CARD10: variants seen among roughly 807,000 people sequenced by gnomAD.
CARD10 encodes caspase recruitment domain family member 10.
CARD10 carries 49 observed loss-of-function variants against 114.6 expected under a neutral mutation model. The ratio of observed to expected loss-of-function variants is 0.43; its 90% CI spans 0.34 to 0.54. The LOEUF is 0.54. Ranked by LOEUF, CARD10 falls within the 20% of genes least tolerant of loss-of-function variation. CARD10 has a pLI of 0.03. For synonymous variants in CARD10, 602 were observed against 593.2 expected (o/e 1.01, Z -0.21); for missense variants, 1,206 against 1,397.2 (o/e 0.86, Z 2.18).
Position 37,502,670 on chromosome 22 carries a change from G to A in CARD10, c.1719C>T (p.Asp573=), listed in dbSNP as rs1178531329. 3 of 1,613,876 alleles carry A rather than the reference G, an allele frequency of 1.9e-6. No individual in the cohort carries two copies. The change falls in exon 11 of 20, where the codon GAC becomes GAT. Residue 573 remains aspartate, a synonymous_variant. Transcript: ENST00000251973. ...CCGGCTTTCCCAAAGGCCACACGCT[G>A]TCAGAGGATGAGGACGAAGAGAGGC... ...SPGLSSSSSS[D]SVWPLGKPEG...
At position 37,496,305 on chromosome 22, in the gene CARD10, G is replaced by A; in HGVS notation, c.2059+144C>T. 1 of 640,376 alleles carries A rather than the reference G, an allele frequency of 1.6e-6. No homozygotes were observed. 39.7% of individuals were successfully genotyped at this position (640,376 alleles called of 1,614,324 possible). A position where few individuals can be genotyped will look rare whatever the true frequency, so the allele number is the denominator to read the frequency against. ...AAGGGCACAAGGACAGACAGAAGGA[G>A]GCATCAGCAGGCGGGGAGCCAGGAG... On this transcript the variant is annotated intron_variant, in intron 13 of 19. Transcript: ENST00000251973. This position sits in a 1 kb window ranked among gnomAD's most constrained non-coding sequence, Gnocchi z 4.1.
chr22:37,503,130 A>G, intron 10 of CARD10, 55 bp downstream of exon 10: 1 of 1,586,526 alleles, frequency 6.3e-7, no homozygotes. Flanking sequence ...GGTGGGCTGC[A>G]AAGCCACCTC....
In CARD10 at chr22:37,495,988, T is replaced by C; in HGVS notation, c.2075A>G (p.His692Arg). The C allele has an allele frequency of 6.2e-7, 1 of 1,613,780 alleles. No homozygotes were observed. ...CTTTGCCCAGGCTTCTAGGGCCTCG[T>C]GGAAGGACTGGCAGGCTGGGCATGG... ...LMDSKACQSF[H>R]EALEAWAKGP... is the part of the protein sequence containing the mutation. The change falls in exon 14 of 20, where the codon CAC (histidine) becomes CGC (arginine). Residue 692 changes from histidine (H) to arginine (R), a missense_variant. His to Arg is a conservative substitution (Grantham distance 29). Around this residue, in one of 2 missense-constraint regions of CARD10, gnomAD observed 1,068 missense variants for 1,179.1 expected, o/e 0.91. Transcript: ENST00000251973.
chr22:37,502,748 A>G (rs947372116), intron 10 of CARD10, 23 bp from the exon 11 acceptor site: 12 of 1,609,000 alleles, frequency 7.5e-6, no homozygotes, highest in African/African-American at 2.7e-5. Flanking sequence ...AATGAGGTTC[A>G]GGGATCTGGC....
intron 11 of CARD10, among the ~76,000 whole-genome samples, chr22:37,498,260 G>C (rs978495666): frequency 6.6e-6 from 1 of 152,180 alleles, no homozygotes; most frequent in Non-Finnish European, 1.5e-5. Context: ...GTGGAACAGA[G>C]GCGTCTGGTT....
At chr22:37,518,853 G>A (rs1471500486) in intron 1 of CARD10, 113 bp downstream of exon 1, 35 of 1,307,496 alleles carry the variant, frequency 2.7e-5, no homozygotes, top group Non-Finnish European at 5.1e-6. Context: ...CTACTGATGC[G>A]GAGACCGAGC....
At chr22:37,514,966 T>C (rs1278101579) in intron 3 of CARD10, among the ~76,000 whole-genome samples, 1 of 152,182 alleles carries the variant, frequency 6.6e-6, no homozygotes, top group Non-Finnish European at 1.5e-5. Flanking sequence ...CAGGTGAGAC[T>C]TCCCCACACA....
At chr22:37,508,763 C>G (rs1360337885) in intron 4 of CARD10, 81 bp from the exon 5 acceptor site, 9 of 1,431,376 alleles carry the variant, frequency 6.3e-6, no homozygotes, top group South Asian at 1.3e-5. Context: ...ACACGCAGCT[C>G]TCAGCCCTCC....
chr22:37,506,495 G>A (rs773728231), intron 6 of CARD10, 112 bp from the exon 7 acceptor site: 5 of 706,584 alleles, frequency 7.1e-6, no homozygotes, highest in Admixed American at 3.4e-5. Flanking sequence ...ATCACTTACT[G>A]AGCACTGTGT....
chr22:37,503,849 C>A (rs1376733867), intron 9 of CARD10, among the ~76,000 whole-genome samples: 1 of 152,170 alleles, frequency 6.6e-6, no homozygotes, highest in African/African-American at 2.4e-5. Flanking sequence ...TGCCGGAGGT[C>A]CCTGATACCT....
In CARD10 at chr22:37,497,158, G is replaced by C. The variant is rs1365797192; in HGVS notation, c.1808C>G (p.Ser603Cys). ...FLNRSLAIRVSGRSPPGGPEP... is the reference protein window; with the variant it reads ...FLNRSLAIRVCGRSPPGGPEP... The stretch of plus-strand genomic sequence containing the variant: ...TGGGCCCCCTGGGGGGCTCCGGCCA[G>C]ACACCCGAATAGCCAGAGACCTGAG... The change falls in exon 12 of 20, where the codon TCT (serine) becomes TGT (cysteine). Residue 603 changes from serine to cysteine, a missense_variant. By Grantham distance (112) the Ser-to-Cys change is moderately radical. This residue lies in a region of CARD10 where 1,068 missense variants were observed against 1,179.1 expected (regional missense o/e 0.91). Transcript: ENST00000251973. The C allele has an allele frequency of 6.2e-7, 1 of 1,613,704 alleles. No individual in the cohort carries two copies. Among genetic ancestry groups the C allele is most frequent in the South Asian group, 1.1e-5 (1 of 91,036 alleles).
rs1923342313 is a variant in CARD10 at position 37,504,695 on chromosome 22, C to T, written c.1458G>A (p.Leu486=). 2 of 1,580,882 alleles carry T rather than the reference C, an allele frequency of 1.3e-6. No individual in the cohort carries two copies. The highest frequency in any genetic ancestry group is 2.7e-5 in the African/African-American group (2 of 73,226). The change falls in exon 8 of 20, where the codon CTG becomes CTA. Residue 486 remains leucine (L), a synonymous_variant. Transcript: ENST00000251973. ...CCTCCCCAGTTGCTTCTGGGCCTCC[C>T]AGAGGGGAGGGGAACTCGCTCAGGC... ...TWSLSEFPSP[L]GGPEATGEAA...
intron 3 of CARD10, among the ~76,000 whole-genome samples, chr22:37,515,232 C>A (rs1923796011): frequency 6.6e-6 from 1 of 152,210 alleles, no homozygotes; most frequent in Non-Finnish European, 1.5e-5. Flanking sequence ...AAGTTGTGAG[C>A]AGTGTGCTAG....
intron 11 of CARD10, among the ~76,000 whole-genome samples, chr22:37,499,501 A>C (rs1923135212): frequency 2.7e-5 from 4 of 146,010 alleles, no homozygotes; most frequent in East Asian, 2.0e-4. Flanking sequence ...CACCAACCCT[A>C]CCCACCCCAC....
rs548716137 is a variant in CARD10 at position 37,496,908 on chromosome 22, G to A, written c.1947+111C>T. ...TAATCACTGAGCCCGCTTCGGCTTT[G>A]ACCAATCCCCAGAAGCTCTGCCCGG... is the stretch of plus-strand genomic sequence containing the variant. On this transcript the variant is annotated intron_variant, in intron 12 of 19. Coordinates refer to ENST00000251973, the MANE Select transcript of CARD10 (RefSeq NM_014550.4). The surrounding 1 kb of genome is among the most constrained non-coding windows in gnomAD (Gnocchi z 4.1). 1.9e-3 allele frequency: 2,524 copies of A among 1,317,944 alleles called. 7 individuals are homozygous for A. The highest frequency in any genetic ancestry group is 2.1e-3 in the Non-Finnish European group (1,976 of 960,874). The allele number at this position is 1,317,944 out of a possible 1,614,324, so 81.6% of individuals were successfully genotyped here. A position where few individuals can be genotyped will look rare whatever the true frequency, so the allele number is the denominator to read the frequency against.
rs1209107872 is a variant in CARD10, at chr22:37,492,384, C to T, written c.2751+51G>A. The T allele has an allele frequency of 1.5e-6, 2 of 1,343,192 alleles. No homozygotes were observed. The highest frequency in any genetic ancestry group is 2.4e-5 in the Admixed American group (1 of 42,352). 83.2% of individuals were successfully genotyped at this position (1,343,192 alleles called of 1,614,324 possible). A position where few individuals can be genotyped will look rare whatever the true frequency, so the allele number is the denominator to read the frequency against. Reference sequence around the variant, plus strand: ...GGCGCTCAAGCCCAGAACAGCAGCACCCGCTCTGGGCCACCTCTGTGAGCA... The same window carrying T: ...GGCGCTCAAGCCCAGAACAGCAGCATCCGCTCTGGGCCACCTCTGTGAGCA... On this transcript the variant is annotated intron_variant, in intron 18 of 19. Coordinates refer to ENST00000251973, the MANE Select transcript of CARD10 (RefSeq NM_014550.4). The surrounding 1 kb of genome is among the most constrained non-coding windows in gnomAD (Gnocchi z 5.7).
chr22:37,497,552 T>G (rs1202946171), intron 11 of CARD10, among the ~76,000 whole-genome samples: 2 of 152,176 alleles, frequency 1.3e-5, no homozygotes, highest in Non-Finnish European at 2.9e-5. Context: ...GTCTGGCACA[T>G]AGCAGATGAC....
At chr22:37,503,093 A>C in intron 10 of CARD10, 92 bp downstream of exon 10, 1 of 1,373,464 alleles carries the variant, frequency 7.3e-7, no homozygotes, top group Non-Finnish European at 1.0e-6. Context: ...ATGCAGGCCA[A>C]AGGTAGCGCA....
In CARD10 at chr22:37,491,855, G is replaced by C. The variant is rs367817035; in HGVS notation, c.2764C>G (p.Leu922Val). The change falls in exon 19 of 20, where the codon CTG becomes GTG. Residue 922 changes from leucine (L) to valine (V), a missense_variant. By Grantham distance (32) the Leu-to-Val change is conservative. This residue lies in a region of CARD10 where 1,068 missense variants were observed against 1,179.1 expected (regional missense o/e 0.91). Coordinates refer to ENST00000251973, the MANE Select transcript of CARD10 (RefSeq NM_014550.4). ...CGCACACCCCGAGCACCCAGCTCCAGCAGGCAGTGCTTCTGCTTGGAGGAT... is the reference window on the plus strand; with the variant it reads ...CGCACACCCCGAGCACCCAGCTCCACCAGGCAGTGCTTCTGCTTGGAGGAT... ...QESVGKKHCL[L>V]ELGARGVREL... The C allele has an allele frequency of 5.0e-6, 8 of 1,601,828 alleles. No homozygotes were observed. The highest frequency in any genetic ancestry group is 6.8e-6 in the Non-Finnish European group (8 of 1,175,324).
Sources: gnomAD v4.1 joint callset for allele counts (sites outside exome capture counted in the v4.1 genomes callset) on GRCh38, gnomAD v4.1.1 for gene constraint, gnomAD v4.1.1 regional missense constraint, Gnocchi (gnomAD v3.1) non-coding constraint, MANE v1.5 for transcripts, NCBI Gene and HGNC (gene_info 2026-07-23, HGNC 2026-07-21) for gene names.